SAMM50: variants seen among roughly 807,000 people sequenced by gnomAD.
SAMM50 encodes sorting and assembly machinery component 50 homolog.
A neutral mutation model predicts 66.9 loss-of-function variants in SAMM50; 47 were observed. That is an observed-to-expected ratio of 0.70 (90% CI 0.56 to 0.90). The LOEUF (loss-of-function observed/expected upper bound fraction) is 0.90. Ranked by LOEUF, SAMM50 falls within the 40% of genes least tolerant of loss-of-function variation. The pLI is 0.00. For synonymous variants in SAMM50, 191 were observed against 214.1 expected, an observed-to-expected ratio of 0.89 and a Z score of 0.94; for missense variants, 535 against 595.3, an observed-to-expected ratio of 0.90 and a Z score of 1.05.
At chr22:43,972,637 G>A (rs771325616) in intron 5 of SAMM50, among the ~76,000 whole-genome samples, 2 of 152,148 alleles carry the variant, frequency 1.3e-5, no homozygotes, top group East Asian at 1.9e-4. Flanking sequence ...TGAGCCTCAC[G>A]GGTGGCAAGG....
At chr22:43,979,491 T>C (rs2050251295) in intron 10 of SAMM50, among the ~76,000 whole-genome samples, 1 of 152,222 alleles carries the variant, frequency 6.6e-6, no homozygotes, top group Non-Finnish European at 1.5e-5. Context: ...CACTGGGCGC[T>C]GCCCTTCCTC....
intron 14 of SAMM50, 174 bp from the exon 15 acceptor site, chr22:43,996,164 G>A: frequency 1.4e-6 from 1 of 733,800 alleles, no homozygotes; most frequent in Non-Finnish European, 2.5e-6. Context: ...TTCTTAACCA[G>A]CAAAGGAGGA....
intron 12 of SAMM50, among the ~76,000 whole-genome samples, chr22:43,984,266 C>G (rs1400436212): frequency 1.3e-5 from 2 of 151,640 alleles, no homozygotes; most frequent in Admixed American, 1.3e-4. Flanking sequence ...GTGTTGTTGT[C>G]TGTTCCCTGC....
rs2050241759 is a variant in SAMM50, at chr22:43,977,956, T to A, written c.934T>A (p.Ser312Thr). The A allele has an allele frequency of 6.2e-7, 1 of 1,604,078 alleles. No homozygotes were observed. The highest frequency in any genetic ancestry group is 1.7e-4 in the Middle Eastern group (1 of 6,036). ...GTTGAACAAGCAACTCATATTTGAT[T>A]CAGTGAGTATCTAACGGATGCTGGC... ...LQLNKQLIFD[S>T]VFSASFWGGM... Residue 312 changes from serine to threonine, a missense_variant and splice_region_variant, in exon 10 of 15, where the codon TCA (serine) becomes ACA (threonine). Transcript: ENST00000350028.
At chr22:43,977,748 A>C (rs2050240258) in intron 9 of SAMM50, 124 bp from the exon 10 acceptor site, 1 of 631,050 alleles carries the variant, frequency 1.6e-6, no homozygotes, top group Non-Finnish European at 2.8e-6. Context: ...TAGGAGACAG[A>C]ATTTTCTGTA....
intron 14 of SAMM50, 53 bp downstream of exon 14, chr22:43,990,459 ATTTTG>A: frequency 6.3e-7 from 1 of 1,575,112 alleles, no homozygotes; most frequent in Non-Finnish European, 8.7e-7. Context: ...CAGTAATTTT[ATTTTG>A]TTTTGGACGT....
intron 12 of SAMM50, 43 bp from the exon 13 acceptor site, chr22:43,989,068 C>A: frequency 6.3e-7 from 1 of 1,585,836 alleles, no homozygotes; most frequent in South Asian, 1.1e-5. Flanking sequence ...TGATGTTAAC[C>A]TTGTCGGACC....
Position 43,984,147 on chromosome 22 carries a change from C to A in SAMM50, c.1075+147C>A, listed in dbSNP as rs1603419956. On this transcript the variant is annotated intron_variant, in intron 12 of 14. Coordinates refer to ENST00000350028, the MANE Select transcript of SAMM50 (RefSeq NM_015380.5). ...ACCTAACACAGAACTTACCATGTAG[C>A]AGGTGTAGAACATTTATTGAGAGAA... The A allele has an allele frequency of 8.0e-6, 5 of 626,548 alleles. No individual in the cohort carries two copies. In the East Asian group the frequency reaches 1.5e-4, roughly 18 times the overall value. The allele number at this position is 626,548 out of a possible 1,614,324, so 38.8% of individuals were successfully genotyped here. A position where few individuals can be genotyped will look rare whatever the true frequency, so the allele number is the denominator to read the frequency against.
In SAMM50 at chr22:43,976,360, C is replaced by A. The variant is rs537920154; in HGVS notation, c.777+177C>A. ...GGTGTCCTGCCTCGCGTGGTCCTTT[C>A]CGAATAATGTCAGTGGTAACAGGAA... On this transcript the variant is annotated intron_variant, in intron 8 of 14. Transcript: ENST00000350028. Among the ~76,000 whole-genome samples, 91 of 152,312 alleles carry A rather than the reference C, an allele frequency of 6.0e-4. 1 individual carries two copies. The highest frequency in any genetic ancestry group is 2.0e-3 in the African/African-American group (84 of 41,568).
chr22:43,973,208 T>C (rs1420805934), intron 6 of SAMM50, 28 bp from the exon 7 acceptor site: 4 of 1,460,440 alleles, frequency 2.7e-6, no homozygotes, highest in Admixed American at 3.4e-5. Flanking sequence ...TGTTTCAGCT[T>C]TTAAAGCTCT....
At chr22:43,992,481 C>G (rs1231423962) in intron 14 of SAMM50, among the ~76,000 whole-genome samples, 2 of 152,242 alleles carry the variant, frequency 1.3e-5, no homozygotes, top group Admixed American at 6.5e-5. Context: ...CCCTCCACGC[C>G]TCTCCTGTTC....
At chr22:43,969,234 C>T (rs1320542804) in intron 4 of SAMM50, among the ~76,000 whole-genome samples, 1 of 152,196 alleles carries the variant, frequency 6.6e-6, no homozygotes, top group Non-Finnish European at 1.5e-5. Flanking sequence ...TCACATAGCC[C>T]AGCCCAGCAC....
chr22:43,978,551 G>T (rs2050246338), intron 10 of SAMM50, among the ~76,000 whole-genome samples: 1 of 152,050 alleles, frequency 6.6e-6, no homozygotes, highest in Non-Finnish European at 1.5e-5. Flanking sequence ...GGACAGAGGG[G>T]TGTCTCCTGC....
intron 3 of SAMM50, among the ~76,000 whole-genome samples, chr22:43,965,605 C>T (rs1379830700): frequency 6.6e-6 from 1 of 152,168 alleles, no homozygotes; most frequent in Non-Finnish European, 1.5e-5. Flanking sequence ...ATGAAAAGGA[C>T]AATTTTCCCT....
In SAMM50 at chr22:43,964,525, A is replaced by T. The variant is rs2050163299; in HGVS notation, c.206A>T (p.Asp69Val). ...GATATCATCATTTGTGAAATTGGAGATGTTTTCAAGGCCAAAAACCTAATT... is the reference window on the plus strand; with the variant it reads ...GATATCATCATTTGTGAAATTGGAGTTGTTTTCAAGGCCAAAAACCTAATT... ...KDDIIICEIG[D>V]VFKAKNLIEV... is the part of the protein sequence containing the mutation. Residue 69 changes from aspartate to valine, a missense_variant, in exon 3 of 15, where the codon GAT becomes GTT. Asp to Val is a radical substitution (Grantham distance 152, BLOSUM62 -3). Coordinates refer to ENST00000350028, the MANE Select transcript of SAMM50 (RefSeq NM_015380.5). 6.2e-7 allele frequency: 1 copy of T among 1,609,790 alleles called. No homozygotes were observed. The highest frequency in any genetic ancestry group is 1.3e-5 in the African/African-American group (1 of 74,814).
chr22:43,965,116 C>G (rs1269791579), intron 3 of SAMM50, among the ~76,000 whole-genome samples: 1 of 150,204 alleles, frequency 6.7e-6, no homozygotes, highest in African/African-American at 2.5e-5. Flanking sequence ...GTCCAGCTGG[C>G]TCCTTTGTCT....
chr22:43,964,334 G>A, intron 2 of SAMM50, 118 bp from the exon 3 acceptor site: 1 of 596,236 alleles, frequency 1.7e-6, no homozygotes, highest in East Asian at 2.9e-5. Context: ...TAAGAAGTGT[G>A]GATTATTAAA....
At chr22:43,996,241 G>A (rs1322568795) in intron 14 of SAMM50, 97 bp from the exon 15 acceptor site, 3 of 1,320,504 alleles carry the variant, frequency 2.3e-6, no homozygotes, top group African/African-American at 2.9e-5. Flanking sequence ...AGGAGGAAGC[G>A]GAGGCGGCAC....
At chr22:43,968,110 C>G (rs1463027459) in intron 3 of SAMM50, among the ~76,000 whole-genome samples, 1 of 151,058 alleles carries the variant, frequency 6.6e-6, no homozygotes, top group African/African-American at 2.4e-5. Flanking sequence ...GCCTGCAATC[C>G]CAGCTACTCA....
Sources: gnomAD v4.1 joint callset for allele counts (sites outside exome capture counted in the v4.1 genomes callset) on GRCh38, gnomAD v4.1.1 for gene constraint, MANE v1.5 for transcripts, NCBI Gene and HGNC (gene_info 2026-07-23, HGNC 2026-07-21) for gene names.